The following CHD5 variants were observed in gnomAD, a reference collection of about 807,000 sequenced individuals.
The protein encoded by CHD5 is ATP-dependent chromatin remodeler CHD5.
A neutral mutation model predicts 230.3 loss-of-function variants in CHD5; 69 were observed. The ratio of observed to expected loss-of-function variants is 0.30; its 90% CI spans 0.25 to 0.37. The LOEUF (loss-of-function observed/expected upper bound fraction) is 0.37, where lower values mean the gene tolerates loss of function less well. CHD5 is among the 10% of genes least tolerant of loss of function. The pLI, the probability that CHD5 is intolerant of heterozygous loss-of-function variation, is 1.00. For synonymous variants in CHD5, 1,064 were observed against 1,065.9 expected (o/e 1.00, Z 0.03); for missense variants, 1,827 against 2,622.8 (o/e 0.70, Z 6.63).
chr1:6,151,352 C>T (rs1667005285), intron 6 of CHD5, among the ~76,000 whole-genome samples, 197 bp from the exon 7 acceptor site: 1 of 152,228 alleles, frequency 6.6e-6, no homozygotes, highest in Admixed American at 6.5e-5. Context: ...ACCGCCTACC[C>T]AGAGCCCTGC....
Position 6,141,992 on chromosome 1 carries a change from G to A in CHD5, c.2436+136C>T, listed in dbSNP as rs192483782. On this transcript the variant is annotated intron_variant, in intron 15 of 41. Transcript: ENST00000262450. Reference sequence around the variant, plus strand: ...TGACATGGCTGTAACTCAGCCTCTAGGACAAGCCCCTCAGAGCCTGCCGGC... The same window carrying A: ...TGACATGGCTGTAACTCAGCCTCTAAGACAAGCCCCTCAGAGCCTGCCGGC... 1.1e-4 allele frequency: 78 copies of A among 739,678 alleles called. No homozygotes were observed. In the African/African-American group the frequency reaches 1.2e-3, roughly 11 times the overall value. The allele number at this position is 739,678 out of a possible 1,614,324, so 45.8% of individuals were successfully genotyped here. A position where few individuals can be genotyped will look rare whatever the true frequency, so the allele number is the denominator to read the frequency against.
At chr1:6,173,329 C>A (rs1028070378) in intron 1 of CHD5, among the ~76,000 whole-genome samples, 1 of 152,044 alleles carries the variant, frequency 6.6e-6, no homozygotes, top group Non-Finnish European at 1.5e-5. Context: ...TGGTCTCGAT[C>A]TCCTGACCTC....
rs1295664716 is a variant in CHD5 at position 6,124,585 on chromosome 1, G to A, written c.4471C>T (p.Pro1491Ser). 1.2e-6 allele frequency: 2 copies of A among 1,610,204 alleles called. No individual in the cohort carries two copies. The highest frequency in any genetic ancestry group is 1.4e-5 in the African/African-American group (1 of 74,014). ...TGCTGCCTGGAGAGGCCCTCCCGGG[G>A]CACGCCGTCTGCGAAGGTCTCTGCA... ...DGAETFADGV[P>S]REGLSRQHVL... The change falls in exon 30 of 42, where the codon CCC becomes TCC. Residue 1491 changes from proline to serine, a missense_variant. Physicochemically the swap from Pro to Ser is moderately conservative, Grantham distance 74. Transcript: ENST00000262450.
rs759056723 is a variant in CHD5, at chr1:6,128,613, TCAGA to T, written c.3620-8_3620-5del. 19 of 1,608,334 alleles carry T rather than the reference TCAGA, an allele frequency of 1.2e-5. No homozygotes were observed. Among genetic ancestry groups the T allele is most frequent in the African/African-American group, 2.7e-5 (2 of 74,792 alleles). ...CTCTGGCCCTGAGACATCATGCCTG[TCAGA>T]CAGAGAAGGAAAGCACTGGTGCAGG... On this transcript the variant is annotated splice_region_variant and splice_polypyrimidine_tract_variant and intron_variant, in intron 23 of 41. Transcript: ENST00000262450. The surrounding 1 kb of genome is among the most constrained non-coding windows in gnomAD (Gnocchi z 7.8).
rs1667272088 is a variant in CHD5, at chr1:6,167,388, G to A, written c.207+762C>T. ...ACATAGGGTCGCTTGGAGGATCAGAGGAGACGCCCAGAAGGAAGCAGACAG... is the reference window on the plus strand; with the variant it reads ...ACATAGGGTCGCTTGGAGGATCAGAAGAGACGCCCAGAAGGAAGCAGACAG... On this transcript the variant is annotated intron_variant, in intron 2 of 41. Coordinates refer to ENST00000262450, the MANE Select transcript of CHD5 (RefSeq NM_015557.3). This position sits in a 1 kb window ranked among gnomAD's most constrained non-coding sequence, Gnocchi z 4.5. Among the ~76,000 whole-genome samples the A allele has an allele frequency of 6.6e-6, 1 of 152,186 alleles. No homozygotes were observed. Among genetic ancestry groups the A allele is most frequent in the African/African-American group, 2.4e-5 (1 of 41,444 alleles).
At chr1:6,159,297 G>T in intron 3 of CHD5, 39 bp downstream of exon 3, 1 of 1,549,586 alleles carries the variant, frequency 6.5e-7, no homozygotes, top group Non-Finnish European at 8.7e-7. Context: ...CTTAAAGGGG[G>T]ATGTCGCTCT....
At chr1:6,112,582 C>G (rs1666310061) in intron 34 of CHD5, among the ~76,000 whole-genome samples, 1 of 152,218 alleles carries the variant, frequency 6.6e-6, no homozygotes, top group Admixed American at 6.5e-5. Flanking sequence ...GGGGGCTGAT[C>G]TGAGGACAAC....
chr1:6,114,147 G>A (rs2100834248), intron 33 of CHD5, among the ~76,000 whole-genome samples: 1 of 152,194 alleles, frequency 6.6e-6, no homozygotes, highest in South Asian at 2.1e-4. Flanking sequence ...TAGCTACTCG[G>A]GAGGTTGAGG....
chr1:6,165,262 G>A (rs1667234736), intron 2 of CHD5, among the ~76,000 whole-genome samples: 1 of 152,176 alleles, frequency 6.6e-6, no homozygotes, highest in Admixed American at 6.5e-5. Context: ...CAGGGCTGGT[G>A]CTGTACCCTG....
At chr1:6,140,668 C>G (rs998378577) in intron 15 of CHD5, among the ~76,000 whole-genome samples, 2 of 152,138 alleles carry the variant, frequency 1.3e-5, no homozygotes, top group African/African-American at 4.8e-5. Context: ...ACATTCATGT[C>G]CACCCAGAAG....
At chr1:6,123,247 T>A (rs1666499370) in intron 31 of CHD5, among the ~76,000 whole-genome samples, 1 of 151,908 alleles carries the variant, frequency 6.6e-6, no homozygotes, top group Non-Finnish European at 1.5e-5. Flanking sequence ...ACACGAACCA[T>A]CCAGCATTGC....
chr1:6,138,025 G>A (rs1666770839), intron 15 of CHD5, among the ~76,000 whole-genome samples: 1 of 152,212 alleles, frequency 6.6e-6, no homozygotes, highest in Non-Finnish European at 1.5e-5. Flanking sequence ...CCTGGTGCCT[G>A]TGAGGGTCTG....
chr1:6,178,317 C>T (rs1447416530), intron 1 of CHD5, among the ~76,000 whole-genome samples: 1 of 152,068 alleles, frequency 6.6e-6, no homozygotes, highest in Non-Finnish European at 1.5e-5. Context: ...ACCTCTAAGT[C>T]CCCACATAGT....
Position 6,166,923 on chromosome 1 carries a change from G to A in CHD5, c.207+1227C>T, listed in dbSNP as rs1002360652. On this transcript the variant is annotated intron_variant, in intron 2 of 41. Coordinates refer to ENST00000262450, the MANE Select transcript of CHD5 (RefSeq NM_015557.3). ...TGCACCACCCGCAACAGGCCCTCCC[G>A]AAACCCTCACAGCACGGAGTGTCTC... Among the ~76,000 whole-genome samples the A allele has an allele frequency of 3.9e-5, 6 of 152,110 alleles. No individual in the cohort carries two copies. The South Asian group carries it at 6.2e-4, about 16-fold the overall frequency.
chr1:6,153,522 A>T (rs1349738901), intron 5 of CHD5, among the ~76,000 whole-genome samples: 2 of 152,196 alleles, frequency 1.3e-5, no homozygotes, highest in Admixed American at 1.3e-4. Flanking sequence ...GAGCCCCCTC[A>T]GCCCCTTCCA....
chr1:6,146,368 T>G lies in CHD5; in HGVS notation c.1646A>C (p.Asp549Ala). ...GCCGTAGTCAAAGGGGGGCGGCTCA[T>G]CCATGTCGTTCTTTCTTTGGTAGTT... is the stretch of plus-strand genomic sequence containing the variant. ...YRNYQRKNDM[D>A]EPPPFDYGSG... Residue 549 changes from aspartate (D) to alanine (A), a missense_variant, in exon 11 of 42, where the codon GAT becomes GCT. Coordinates refer to ENST00000262450, the MANE Select transcript of CHD5 (RefSeq NM_015557.3). This position sits in a 1 kb window ranked among gnomAD's most constrained non-coding sequence, Gnocchi z 5.1. The G allele has an allele frequency of 6.2e-7, 1 of 1,614,160 alleles. No homozygotes were observed. Among genetic ancestry groups the G allele is most frequent in the Middle Eastern group, 1.7e-4 (1 of 6,058 alleles).
At chr1:6,177,968 G>A (rs888435020) in intron 1 of CHD5, among the ~76,000 whole-genome samples, 2 of 152,160 alleles carry the variant, frequency 1.3e-5, no homozygotes, top group African/African-American at 4.8e-5. Context: ...TGCAGTGGGT[G>A]GTCAGAAGGA....
In CHD5 at chr1:6,122,000, G is replaced by C. The variant is rs1481132675; in HGVS notation, c.4700-427C>G. Among the ~76,000 whole-genome samples the C allele has an allele frequency of 6.6e-6, 1 of 152,182 alleles. No homozygotes were observed. Among genetic ancestry groups the C allele is most frequent in the Non-Finnish European group, 1.5e-5 (1 of 68,040 alleles). On this transcript the variant is annotated intron_variant, in intron 31 of 41. Coordinates refer to ENST00000262450, the MANE Select transcript of CHD5 (RefSeq NM_015557.3). The surrounding 1 kb of genome is among the most constrained non-coding windows in gnomAD (Gnocchi z 4.5). ...AGCCGCCAACACACTGCAAAGTGCT[G>C]GTCACTTACACAGCTCTGAGAAGCC...
At chr1:6,165,065 T>C (rs1238972421) in intron 2 of CHD5, among the ~76,000 whole-genome samples, 2 of 151,838 alleles carry the variant, frequency 1.3e-5, no homozygotes, top group African/African-American at 4.8e-5. Flanking sequence ...AACAAAAACA[T>C]ATTGTCAGAG....
Sources: allele counts gnomAD v4.1 joint callset (sites outside exome capture counted in the v4.1 genomes callset), GRCh38; gene constraint gnomAD v4.1.1; non-coding constraint Gnocchi (gnomAD v3.1); transcripts MANE v1.5; gene names NCBI Gene and HGNC (gene_info 2026-07-23, HGNC 2026-07-21).